Variants in NPHP1 observed in about 807,000 individuals in gnomAD.
NPHP1 encodes nephrocystin 1, also known as nephrocystin-1.
In NPHP1, 70 loss-of-function variants were observed where a neutral mutation model predicts 90.4. That is an observed-to-expected ratio of 0.77 (90% confidence interval 0.64 to 0.95). NPHP1 has a LOEUF of 0.95. NPHP1 is among the 40% of genes least tolerant of loss of function. The pLI is 0.00. For synonymous variants in NPHP1, 256 were observed against 271.7 expected (o/e 0.94, Z 0.57); for missense variants, 764 against 795.9 (o/e 0.96, Z 0.48).
chr2:110,131,729 T>C lies in NPHP1; in HGVS notation c.1592A>G (p.Gln531Arg). The change falls in exon 17 of 20, where the codon CAA becomes CGA. Residue 531 changes from glutamine to arginine, a missense_variant. Transcript: ENST00000445609. Reference sequence around the variant, plus strand: ...TTTCAGGAGCACATCTCCAAGAATTTGTCGATAAAATATCAACAAGTGAAT... The same window carrying C: ...TTTCAGGAGCACATCTCCAAGAATTCGTCGATAAAATATCAACAAGTGAAT... Reference protein sequence around the residue: ...CSIHLLIFYRQILGDVLLKDR... With the variant: ...CSIHLLIFYRRILGDVLLKDR... 1 of 1,613,604 alleles carries C rather than the reference T, an allele frequency of 6.2e-7. No individual in the cohort carries two copies. The highest frequency in any genetic ancestry group is 1.1e-5 in the South Asian group (1 of 91,042).
At chr2:110,183,636 G>A (rs145242638) in intron 2 of NPHP1, among the ~76,000 whole-genome samples, 213 of 152,096 alleles carry the variant, frequency 1.4e-3, no homozygotes, top group African/African-American at 4.9e-3. Flanking sequence ...AGCTGGTCTC[G>A]GCAACCCAGA....
In NPHP1 at chr2:110,123,869, T is replaced by C; in HGVS notation, c.1956A>G (p.Pro652=). The change falls in exon 20 of 20, where the codon CCA becomes CCG. Residue 652 remains proline, a synonymous_variant. Coordinates refer to ENST00000445609, the MANE Select transcript of NPHP1 (RefSeq NM_001128178.3). ...NQGALQALLS[P]DGVHEPFDLS... ...GGTCAAAAGGTTCATGAACTCCGTC[T>C]GGTGACAGCAGAGCTTGGAGGGCGC... The C allele has an allele frequency of 6.2e-7, 1 of 1,614,124 alleles. No individual in the cohort carries two copies. Among genetic ancestry groups the C allele is most frequent in the Non-Finnish European group, 8.5e-7 (1 of 1,179,970 alleles).
intron 4 of NPHP1, 93 bp from the exon 5 acceptor site, chr2:110,170,091 A>G: frequency 6.8e-7 from 1 of 1,473,076 alleles, no homozygotes; most frequent in Non-Finnish European, 9.4e-7. Flanking sequence ...TGAATATCCC[A>G]TATTTGGAGC....
At chr2:110,196,280 T>A (rs921615679) in intron 2 of NPHP1, among the ~76,000 whole-genome samples, 5 of 151,852 alleles carry the variant, frequency 3.3e-5, no homozygotes, top group African/African-American at 1.2e-4. Context: ...ATATACAGAA[T>A]CTACAATGAA....
chr2:110,193,981 C>A (rs1272645094), intron 2 of NPHP1, among the ~76,000 whole-genome samples: 3 of 151,954 alleles, frequency 2.0e-5, no homozygotes, highest in Non-Finnish European at 4.4e-5. Flanking sequence ...CACAACATAC[C>A]AGAATCTCTG....
chr2:110,129,540 T>C (rs1476516423), intron 17 of NPHP1, among the ~76,000 whole-genome samples: 1 of 152,188 alleles, frequency 6.6e-6, no homozygotes, highest in Non-Finnish European at 1.5e-5. Context: ...TTGTTCTGTG[T>C]TTTTCTTCAA....
intron 6 of NPHP1, among the ~76,000 whole-genome samples, chr2:110,166,609 T>A (rs1422239060): frequency 6.6e-6 from 1 of 152,166 alleles, no homozygotes; most frequent in Non-Finnish European, 1.5e-5. Flanking sequence ...CAGAGCAGCC[T>A]CACATCAGAA....
At chr2:110,138,497 T>C (rs952042766) in intron 16 of NPHP1, among the ~76,000 whole-genome samples, 3 of 152,092 alleles carry the variant, frequency 2.0e-5, no homozygotes, top group African/African-American at 7.2e-5. Flanking sequence ...CCTGGCTAAA[T>C]TCTGATCTTG....
chr2:110,168,090 T>C (rs1174357562), intron 6 of NPHP1, among the ~76,000 whole-genome samples: 1 of 152,172 alleles, frequency 6.6e-6, no homozygotes, highest in Non-Finnish European at 1.5e-5. Context: ...AACACACATG[T>C]ATAGTATGTT....
At chr2:110,156,669 G>A (rs763102876) in intron 11 of NPHP1, among the ~76,000 whole-genome samples, 9 of 152,126 alleles carry the variant, frequency 5.9e-5, no homozygotes, top group Non-Finnish European at 1.3e-4. Flanking sequence ...CCCTCTCTGG[G>A]TGGGGTGGTC....
intron 14 of NPHP1, among the ~76,000 whole-genome samples, chr2:110,144,900 A>T (rs1210061494): frequency 1.3e-5 from 2 of 152,104 alleles, no homozygotes; most frequent in Non-Finnish European, 2.9e-5. Flanking sequence ...GATTTTTTTT[A>T]ATGTATTTTT....
At chr2:110,196,456 T>C (rs1411694566) in intron 2 of NPHP1, among the ~76,000 whole-genome samples, 1 of 152,242 alleles carries the variant, frequency 6.6e-6, no homozygotes, top group South Asian at 2.1e-4. Flanking sequence ...CACAATGAGA[T>C]ACCATCTCAC....
Position 110,160,152 on chromosome 2 carries a change from C to A in NPHP1, c.1058G>T (p.Arg353Leu). Reference sequence around the variant, plus strand: ...CTTATTACCATCAAATAGACAGAGGCGTACATGTCTGCTGAGAACCTGTAT... The same window carrying A: ...CTTATTACCATCAAATAGACAGAGGAGTACATGTCTGCTGAGAACCTGTAT... ...MSIQVLSRHV[R>L]LCLFDGNKVL... The change falls in exon 11 of 20, where the codon CGC (arginine) becomes CTC (leucine). Residue 353 changes from arginine to leucine, a missense_variant. By Grantham distance (102) the Arg-to-Leu change is moderately radical. Coordinates refer to ENST00000445609, the MANE Select transcript of NPHP1 (RefSeq NM_001128178.3). 1.2e-6 allele frequency: 2 copies of A among 1,613,064 alleles called. No homozygotes were observed. Among genetic ancestry groups the A allele is most frequent in the Admixed American group, 1.7e-5 (1 of 59,996 alleles).
In NPHP1 at chr2:110,178,451, C is replaced by T; in HGVS notation, c.301G>A (p.Val101Met). 2 of 1,613,898 alleles carry T rather than the reference C, an allele frequency of 1.2e-6. No homozygotes were observed. The highest frequency in any genetic ancestry group is 1.3e-5 in the African/African-American group (1 of 75,040). The change falls in exon 4 of 20, where the codon GTG becomes ATG. Residue 101 changes from valine to methionine, a missense_variant. By Grantham distance (21) the Val-to-Met change is conservative (BLOSUM62 1). Transcript: ENST00000445609. ...GTTATATTTTCTCTGCTTATTGTCA[C>T]AGCAAGGCCCTGCAGTTGTTGGGTA... The part of the protein sequence containing the change: ...KLTQQLQGLA[V>M]TISRENITEV...
intron 4 of NPHP1, 147 bp downstream of exon 4, chr2:110,178,276 A>G: frequency 6.2e-6 from 5 of 800,720 alleles, no homozygotes; most frequent in Non-Finnish European, 1.0e-5. Flanking sequence ...AACACCTTCT[A>G]TTATACACAA....
intron 1 of NPHP1, among the ~76,000 whole-genome samples, 164 bp downstream of exon 1, chr2:110,204,736 G>A (rs1034253417): frequency 6.6e-6 from 1 of 152,022 alleles, no homozygotes; most frequent in African/African-American, 2.4e-5. Flanking sequence ...AATCGGGGTT[G>A]GGTGCTGGAA....
At chr2:110,173,573 A>G (rs1683311977) in intron 4 of NPHP1, among the ~76,000 whole-genome samples, 1 of 152,202 alleles carries the variant, frequency 6.6e-6, no homozygotes. Context: ...ATATGTTTAG[A>G]TACACAAATA....
At chr2:110,126,020 C>A (rs1679337642) in intron 18 of NPHP1, 2 of 333,294 alleles carry the variant, frequency 6.0e-6, no homozygotes, top group Non-Finnish European at 5.6e-6. Flanking sequence ...CCAAGTAAGA[C>A]AGTAATGAAA....
chr2:110,155,305 C>T (rs188920622), intron 11 of NPHP1, among the ~76,000 whole-genome samples: 36 of 152,202 alleles, frequency 2.4e-4, no homozygotes, highest in Non-Finnish European at 5.0e-4. Context: ...GCTGCAGGGG[C>T]GGGGCTCTCA....
Sources: gnomAD v4.1 joint callset for allele counts (sites outside exome capture counted in the v4.1 genomes callset) on GRCh38, gnomAD v4.1.1 for gene constraint, MANE v1.5 for transcripts, NCBI Gene and HGNC (gene_info 2026-07-23, HGNC 2026-07-21) for gene names.